Variants in CSPG4 observed in about 807,000 individuals in gnomAD.
CSPG4 encodes chondroitin sulfate proteoglycan 4 (melanoma-associated).
CSPG4 carries 74 observed loss-of-function variants against 139.3 expected under a neutral mutation model. That is an observed-to-expected ratio of 0.53 (90% CI 0.44 to 0.64). The LOEUF is 0.64. CSPG4 is among the 30% of genes least tolerant of loss of function. CSPG4 has a pLI of 0.00. For missense variants in CSPG4, 2,565 were observed against 3,148.3 expected (o/e 0.81, Z 4.43); for synonymous variants, 1,234 against 1,394.2 (o/e 0.89, Z 2.56).
intron 9 of CSPG4, 100 bp from the exon 10 acceptor site, chr15:75,677,484 A>G (rs568752998): frequency 9.9e-6 from 13 of 1,308,686 alleles, no homozygotes; most frequent in South Asian, 3.4e-5. Flanking sequence ...CCTCCCCCCA[A>G]CCATCAAGCC....
At chr15:75,692,590 C>T (rs1894178794) in intron 2 of CSPG4, among the ~76,000 whole-genome samples, 1 of 152,196 alleles carries the variant, frequency 6.6e-6, no homozygotes, top group Non-Finnish European at 1.5e-5. Context: ...GTGGACAGAC[C>T]ATGGTGCTGC....
chr15:75,711,515 C>T (rs1288322785), intron 1 of CSPG4, among the ~76,000 whole-genome samples: 1 of 152,260 alleles, frequency 6.6e-6, no homozygotes, highest in African/African-American at 2.4e-5. Flanking sequence ...CTTAGGGGAT[C>T]TGGTCCCTGC....
rs1894100669 is a variant in CSPG4, at chr15:75,688,508, G to C, written c.2557C>G (p.Gln853Glu). 1 of 1,613,248 alleles carries C rather than the reference G, an allele frequency of 6.2e-7. No homozygotes were observed. Among genetic ancestry groups the C allele is most frequent in the African/African-American group, 1.3e-5 (1 of 75,060 alleles). Residue 853 changes from glutamine (Q) to glutamate (E), a missense_variant, in exon 3 of 10, where the codon CAG becomes GAG. This residue lies in a region of CSPG4 where 2,316 missense variants were observed against 2,818.2 expected (regional missense o/e 0.82). Coordinates refer to ENST00000308508, the MANE Select transcript of CSPG4 (RefSeq NM_001897.5). ...DGQGFTQDDIQAGRVTYGATA... is the reference protein window; with the variant it reads ...DGQGFTQDDIEAGRVTYGATA... ...GCCCCATAGGTCACCCGGCCAGCCT[G>C]TATGTCATCCTGGGTGAAGCCCTGG...
intron 5 of CSPG4, among the ~76,000 whole-genome samples, chr15:75,683,979 C>T (rs1317790179): frequency 3.3e-5 from 5 of 152,170 alleles, no homozygotes; most frequent in South Asian, 2.1e-4. Flanking sequence ...TGGCGGCTTC[C>T]GCACCACCAG....
chr15:75,708,804 C>T (rs1486754985), intron 1 of CSPG4, among the ~76,000 whole-genome samples: 1 of 152,198 alleles, frequency 6.6e-6, no homozygotes, highest in Non-Finnish European at 1.5e-5. Context: ...AGGTGGGAGG[C>T]TTGCTTGAGC....
rs374361253 is a variant in CSPG4 at position 75,688,116 on chromosome 15, A to G, written c.2949T>C (p.Asp983=). ...CCTGGCGGGTAGCAACAAATGGGAT[A>G]TCATCTTCTGTGGTCTCGGAGTCAT... ...QHDDSETTED[D]IPFVATRQGE... The change falls in exon 3 of 10, where the codon GAT becomes GAC. Residue 983 remains aspartate (D), a synonymous_variant. Transcript: ENST00000308508. The G allele has an allele frequency of 1.2e-6, 2 of 1,612,736 alleles. No homozygotes were observed. The highest frequency in any genetic ancestry group is 1.3e-5 in the African/African-American group (1 of 74,936).
chr15:75,693,917 C>T (rs758726022), intron 1 of CSPG4, among the ~76,000 whole-genome samples: 1 of 152,276 alleles, frequency 6.6e-6, no homozygotes, highest in Non-Finnish European at 1.5e-5. Flanking sequence ...GGAGCAAAGG[C>T]TCTGAGGCCA....
Position 75,685,410 on chromosome 15 carries a change from C to G in CSPG4, c.4081G>C (p.Glu1361Gln). 1 of 1,612,026 alleles carries G rather than the reference C, an allele frequency of 6.2e-7. No individual in the cohort carries two copies. Among genetic ancestry groups the G allele is most frequent in the South Asian group, 1.1e-5 (1 of 90,956 alleles). The change falls in exon 4 of 10, where the codon GAG becomes CAG. Residue 1361 changes from glutamate to glutamine, a missense_variant. Glu to Gln is a conservative substitution (Grantham distance 29). Around this residue, in one of 5 missense-constraint regions of CSPG4, gnomAD observed 2,316 missense variants for 2,818.2 expected, o/e 0.82. Coordinates refer to ENST00000308508, the MANE Select transcript of CSPG4 (RefSeq NM_001897.5). ...LEVLPAAIPL[E>Q]AQNFSVPEGG... The stretch of plus-strand genomic sequence containing the variant: ...TCAGGGACGCTGAAGTTTTGCGCCT[C>G]TAGTGGGATGGCAGCGGGCAGCACC...
In CSPG4 at chr15:75,696,518, G is replaced by A. The variant is rs1427429750; in HGVS notation, c.89-3285C>T. 1.3e-5 allele frequency among the ~76,000 whole-genome samples: 2 copies of A among 152,136 alleles called. No homozygotes were observed. Among genetic ancestry groups the A allele is most frequent in the African/African-American group, 4.8e-5 (2 of 41,424 alleles). ...AGGCTGTGTGTTTGTGTGTGTGTGCGCGTGTGTGGGCCGGGAGCTGCCAGG... is the reference window on the plus strand; with the variant it reads ...AGGCTGTGTGTTTGTGTGTGTGTGCACGTGTGTGGGCCGGGAGCTGCCAGG... On this transcript the variant is annotated intron_variant, in intron 1 of 9. Coordinates refer to ENST00000308508, the MANE Select transcript of CSPG4 (RefSeq NM_001897.5). The surrounding 1 kb of genome is among the most constrained non-coding windows in gnomAD (Gnocchi z 4.2).
rs1460135135 is a variant in CSPG4 at position 75,676,970 on chromosome 15, G to A, written c.5549C>T (p.Pro1850Leu). The A allele has an allele frequency of 6.7e-7, 1 of 1,491,026 alleles. No homozygotes were observed. The highest frequency in any genetic ancestry group is 2.5e-5 in the East Asian group (1 of 40,252). The allele number at this position is 1,491,026 out of a possible 1,614,324, so 92.4% of individuals were successfully genotyped here. A position where few individuals can be genotyped will look rare whatever the true frequency, so the allele number is the denominator to read the frequency against. Reference sequence around the variant, plus strand: ...CACACTCAGCTGGGCCCGGGAGATGGGGGCACGAGAGCCTCGGGTGAGCCG... The same window carrying A: ...CACACTCAGCTGGGCCCGGGAGATGAGGGCACGAGAGCCTCGGGTGAGCCG... ...PLRLTRGSRA[P>L]ISRAQLSVVD... is the part of the protein sequence containing the mutation. The change falls in exon 10 of 10, where the codon CCC becomes CTC. Residue 1850 changes from proline to leucine, a missense_variant. Coordinates refer to ENST00000308508, the MANE Select transcript of CSPG4 (RefSeq NM_001897.5).
chr15:75,676,280 A>T lies in CSPG4; in HGVS notation c.6239T>A (p.Val2080Glu). ...TCCCTCCAGGAGGCGGAAGCGCGGC[A>T]CACTGCCTGTGCGGTTGGCCAGCTC... ...AGELANRTGS[V>E]PRFRLLEGPR... The change falls in exon 10 of 10, where the codon GTG becomes GAG. Residue 2080 changes from valine (V) to glutamate (E), a missense_variant. Coordinates refer to ENST00000308508, the MANE Select transcript of CSPG4 (RefSeq NM_001897.5). The T allele has an allele frequency of 6.3e-7, 1 of 1,590,050 alleles. No individual in the cohort carries two copies. Among genetic ancestry groups the T allele is most frequent in the Non-Finnish European group, 8.5e-7 (1 of 1,172,012 alleles).
At position 75,675,645 on chromosome 15, in the gene CSPG4, G is replaced by A; in HGVS notation, c.6874C>T (p.Gln2292Ter). 1 of 1,522,890 alleles carries A rather than the reference G, an allele frequency of 6.6e-7. No individual in the cohort carries two copies. Among genetic ancestry groups the A allele is most frequent in the Middle Eastern group, 1.8e-4 (1 of 5,576 alleles). The allele number at this position is 1,522,890 out of a possible 1,614,324, so 94.3% of individuals were successfully genotyped here. Reference sequence around the variant, plus strand: ...GGCTGGCCTCCTGGAGGGGGCCCCTGGCCAGGCACAGCTGTGAGCGGGATG... The same window carrying A: ...GGCTGGCCTCCTGGAGGGGGCCCCTAGCCAGGCACAGCTGTGAGCGGGATG... Reference protein sequence around the residue: ...QAIPLTAVPGQGPPPGGQPDP... With the variant: ...QAIPLTAVPG Residue 2292 changes from glutamine (Q) to a stop codon, truncating the protein, a stop_gained, in exon 10 of 10, where the codon CAG becomes TAG. Transcript: ENST00000308508. LOFTEE classifies it high-confidence loss of function.
At chr15:75,702,340 A>G (rs527912950) in intron 1 of CSPG4, among the ~76,000 whole-genome samples, 9 of 152,278 alleles carry the variant, frequency 5.9e-5, no homozygotes, top group Admixed American at 2.6e-4. Flanking sequence ...TCTCCTGTCC[A>G]CCTGTGAAAT....
intron 8 of CSPG4, 126 bp from the exon 9 acceptor site, chr15:75,678,012 C>T (rs1893918237): frequency 2.6e-6 from 2 of 778,110 alleles, no homozygotes. Flanking sequence ...TGCGTGTGAC[C>T]CGCTGTCTCC....
At chr15:75,702,131 T>C (rs554005968) in intron 1 of CSPG4, among the ~76,000 whole-genome samples, 57 of 152,322 alleles carry the variant, frequency 3.7e-4, no homozygotes, top group Non-Finnish European at 7.8e-4. Context: ...GTGGCTCCCA[T>C]TGCCCCAGGG....
chr15:75,676,118 G>A lies in CSPG4; in HGVS notation c.6401C>T (p.Ala2134Val), dbSNP rs1190871569. The change falls in exon 10 of 10, where the codon GCC becomes GTC. Residue 2134 changes from alanine (A) to valine (V), a missense_variant. By Grantham distance (64) the Ala-to-Val change is moderately conservative. Coordinates refer to ENST00000308508, the MANE Select transcript of CSPG4 (RefSeq NM_001897.5). ...GAGACTGTCACCTGCGGGGCCGGGG[G>A]CCCTCCCCTCTGGCCTGCCCACCTC... Reference protein sequence around the residue: ...GLEVGRPEGRAPGPAGDSLTL... With the variant: ...GLEVGRPEGRVPGPAGDSLTL... The A allele has an allele frequency of 1.8e-5, 27 of 1,537,032 alleles. No homozygotes were observed. The highest frequency in any genetic ancestry group is 2.4e-5 in the Non-Finnish European group (27 of 1,146,090).
In CSPG4 at chr15:75,678,229, G is replaced by T. The variant is rs550989768; in HGVS notation, c.4951-343C>A. Among the ~76,000 whole-genome samples the T allele has an allele frequency of 3.3e-5, 5 of 152,314 alleles. No individual in the cohort carries two copies. The East Asian group carries it at 9.6e-4, about 29-fold the overall frequency. ...ATCCTATCCCCTCTTGCCTTCTGAA[G>T]ACACCACTTCTACTGTCTCTTGGCT... On this transcript the variant is annotated intron_variant, in intron 8 of 9. Coordinates refer to ENST00000308508, the MANE Select transcript of CSPG4 (RefSeq NM_001897.5).
chr15:75,687,869 C>T lies in CSPG4; in HGVS notation c.3196G>A (p.Gly1066Ser), dbSNP rs745355854. The stretch of plus-strand genomic sequence containing the variant: ...GGCTCATCTACGGCCACGATACTGC[C>T]AAAGAGGAGGTCCTTGCGGGTAAGC... ...LVLTRKDLLFGSIVAVDEPTR... is the reference protein window; with the variant it reads ...LVLTRKDLLFSSIVAVDEPTR... Residue 1066 changes from glycine to serine, a missense_variant, in exon 3 of 10, where the codon GGC becomes AGC. This residue lies in a region of CSPG4 where 2,316 missense variants were observed against 2,818.2 expected (regional missense o/e 0.82). Transcript: ENST00000308508. The surrounding 1 kb of genome is among the most constrained non-coding windows in gnomAD (Gnocchi z 5.4). 6.2e-7 allele frequency: 1 copy of T among 1,612,954 alleles called. No homozygotes were observed. The highest frequency in any genetic ancestry group is 8.5e-7 in the Non-Finnish European group (1 of 1,180,032).
chr15:75,711,110 C>A (rs1403226693), intron 1 of CSPG4, among the ~76,000 whole-genome samples: 1 of 152,106 alleles, frequency 6.6e-6, no homozygotes, highest in African/African-American at 2.4e-5. Context: ...TGAGTCAGCG[C>A]CCCTGCCTGG....
Sources: gnomAD v4.1 joint callset for allele counts (sites outside exome capture counted in the v4.1 genomes callset) on GRCh38, gnomAD v4.1.1 for gene constraint, gnomAD v4.1.1 regional missense constraint, Gnocchi (gnomAD v3.1) non-coding constraint, MANE v1.5 for transcripts, NCBI Gene and HGNC (gene_info 2026-07-23, HGNC 2026-07-21) for gene names.